The following NLRP4 variants were observed in gnomAD, a reference collection of about 807,000 sequenced individuals.
NLRP4 encodes the protein NACHT, LRR and PYD domains-containing protein 4.
NLRP4 carries 44 observed loss-of-function variants against 84.7 expected under a neutral mutation model. That is an observed-to-expected ratio of 0.52 (90% CI 0.41 to 0.67). NLRP4 has a LOEUF of 0.67. Ranked by LOEUF, NLRP4 falls within the 30% of genes least tolerant of loss-of-function variation. The pLI is 0.00. For missense variants in NLRP4, 1,260 were observed against 1,219.4 expected, an observed-to-expected ratio of 1.03 and a Z score of -0.50; for synonymous variants, 544 against 476.4, an observed-to-expected ratio of 1.14 and a Z score of -1.85.
chr19:55,847,299 C>T (rs1396461597), intron 1 of NLRP4, among the ~76,000 whole-genome samples: 1 of 152,194 alleles, frequency 6.6e-6, no homozygotes, highest in Non-Finnish European at 1.5e-5. Flanking sequence ...GATGACTTTG[C>T]TACTGTTGGC....
At chr19:55,850,932 T>A (rs376216622) in intron 1 of NLRP4, among the ~76,000 whole-genome samples, 1,090 of 37,036 alleles carry the variant, frequency 0.029, 1 homozygote, top group African/African-American at 0.05. Context: ...GTAATGTCCG[T>A]GGCTGCGGTG....
chr19:55,880,972 T>C lies in NLRP4; in HGVS notation c.2868-498T>C, dbSNP rs147355411. Among the ~76,000 whole-genome samples, 5 of 152,290 alleles carry C rather than the reference T, an allele frequency of 3.3e-5. No individual in the cohort carries two copies. In the East Asian group the frequency reaches 9.6e-4, roughly 29 times the overall value. On this transcript the variant is annotated intron_variant, in intron 9 of 9. Transcript: ENST00000301295. ...ATAATGGAAACTATTAACTTTATCT[T>C]TGAAAAAGTAAAAATAGCTTCAGTC...
In NLRP4 at chr19:55,859,003, G is replaced by A. The variant is rs766439608; in HGVS notation, c.1610G>A (p.Ser537Asn). The stretch of plus-strand genomic sequence containing the variant: ...CAGCAAATTCACCAGTGCCTGAAGA[G>A]CTTAGGGGAGCGTGGCAATCCTCAG... ...IKQQIHQCLK[S>N]LGERGNPQGQ... The change falls in exon 3 of 10, where the codon AGC becomes AAC. Residue 537 changes from serine to asparagine, a missense_variant. Physicochemically the swap from Ser to Asn is conservative, Grantham distance 46. Around this residue, in one of 3 missense-constraint regions of NLRP4, gnomAD observed 712 missense variants for 669.2 expected, o/e 1.06. Coordinates refer to ENST00000301295, the MANE Select transcript of NLRP4 (RefSeq NM_134444.5). The A allele has an allele frequency of 1.2e-6, 2 of 1,614,168 alleles. No individual in the cohort carries two copies. The highest frequency in any genetic ancestry group is 1.1e-5 in the South Asian group (1 of 91,082).
intron 1 of NLRP4, among the ~76,000 whole-genome samples, chr19:55,844,878 CGT>C (rs1193621123): frequency 1.3e-5 from 2 of 151,710 alleles, no homozygotes; most frequent in Non-Finnish European, 2.9e-5. Context: ...AGTGTGTGTG[CGT>C]GTGTGTATGC....
Position 55,861,368 on chromosome 19 carries a change from G to T in NLRP4, c.1857-18G>T. 1 of 1,609,158 alleles carries T rather than the reference G, an allele frequency of 6.2e-7. No individual in the cohort carries two copies. Among genetic ancestry groups the T allele is most frequent in the Non-Finnish European group, 8.5e-7 (1 of 1,176,454 alleles). ...TTGACCGCCTGCCTGTGGAAAGCTC[G>T]TCCTTTCTTGACCACAGGTCGGATT... On this transcript the variant is annotated intron_variant, in intron 3 of 9. Transcript: ENST00000301295.
At chr19:55,853,695 C>G (rs1276958405) in intron 2 of NLRP4, among the ~76,000 whole-genome samples, 1 of 152,156 alleles carries the variant, frequency 6.6e-6, no homozygotes, top group Non-Finnish European at 1.5e-5. Context: ...CAGGCCTGAG[C>G]CACCATACTG....
chr19:55,838,277 G>A (rs76151258), intron 1 of NLRP4, among the ~76,000 whole-genome samples: 13 of 151,798 alleles, frequency 8.6e-5, no homozygotes, highest in African/African-American at 2.9e-4. Context: ...ATTCCAGCCT[G>A]GGCAACAAGA....
In NLRP4 at chr19:55,858,134, G is replaced by T; in HGVS notation, c.741G>T (p.Leu247=). ...QGGLNEPDSD[L]CGDLMEKRPV... is the part of the protein sequence containing the mutation. ...GCTTGAACGAACCCGATTCGGATCT[G>T]TGTGGTGACTTGATGGAGAAACGGC... Residue 247 remains leucine (L), a synonymous_variant, in exon 3 of 10, where the codon CTG becomes CTT. Transcript: ENST00000301295. This position sits in a 1 kb window ranked among gnomAD's most constrained non-coding sequence, Gnocchi z 4.2. 1 of 1,614,186 alleles carries T rather than the reference G, an allele frequency of 6.2e-7. No homozygotes were observed. Among genetic ancestry groups the T allele is most frequent in the East Asian group, 2.2e-5 (1 of 44,884 alleles).
chr19:55,872,609 A>G (rs780359158), intron 7 of NLRP4, among the ~76,000 whole-genome samples: 8 of 152,362 alleles, frequency 5.3e-5, no homozygotes, highest in Non-Finnish European at 1.2e-4. Flanking sequence ...ACATAATTAA[A>G]GAAAAAATTA....
In NLRP4 at chr19:55,857,357, G is replaced by GTGTC. The variant is rs1491411569; in HGVS notation, c.281-316_281-315insGTCT. The GTGTC allele has an allele frequency of 4.1e-3, 1,687 of 407,206 alleles. 11 individuals are homozygous for GTGTC. Among genetic ancestry groups the GTGTC allele is most frequent in the Non-Finnish European group, 5.7e-3 (1,334 of 232,068 alleles). The allele number at this position is 407,206 out of a possible 1,614,324, so 25.2% of individuals were successfully genotyped here. ...TGTGTGTGTGTGTGTGTGTGTGTGT[G>GTGTC]TCTATTGAAAGCAGAAGTTGTCAAC... On this transcript the variant is annotated intron_variant, in intron 2 of 9. Transcript: ENST00000301295.
In NLRP4 at chr19:55,866,511, C is replaced by T. The variant is rs1054704907; in HGVS notation, c.2187-1198C>T. Among the ~76,000 whole-genome samples the T allele has an allele frequency of 5.3e-5, 8 of 152,146 alleles. 1 individual carries two copies. Among genetic ancestry groups the T allele is most frequent in the African/African-American group, 9.7e-5 (4 of 41,448 alleles). ...TTGTCTCTGAGCTTATTTTTTGTGG[C>T]AACCAGAGGTAAGGAGAGTGGTTGA... On this transcript the variant is annotated intron_variant, in intron 5 of 9. Coordinates refer to ENST00000301295, the MANE Select transcript of NLRP4 (RefSeq NM_134444.5).
Position 55,881,527 on chromosome 19 carries a change from G to C in NLRP4, c.2925G>C (p.Glu975Asp). The C allele has an allele frequency of 6.2e-7, 1 of 1,611,532 alleles. No individual in the cohort carries two copies. The highest frequency in any genetic ancestry group is 8.5e-7 in the Non-Finnish European group (1 of 1,177,662). Residue 975 changes from glutamate (E) to aspartate (D), a missense_variant, in exon 10 of 10, where the codon GAG (glutamate) becomes GAC (aspartate). Physicochemically the swap from Glu to Asp is conservative, Grantham distance 45 (BLOSUM62 2). This residue lies in a region of NLRP4 where 544 missense variants were observed against 531.7 expected (regional missense o/e 1.02). Transcript: ENST00000301295. Reference sequence around the variant, plus strand: ...AGGCACTTCTGACGGCTGAGGAAGAGAGAAATCCTAACCTGACCATCACAG... The same window carrying C: ...AGGCACTTCTGACGGCTGAGGAAGACAGAAATCCTAACCTGACCATCACAG... ...ETQALLTAEE[E>D]RNPNLTITDD...
chr19:55,843,583 T>C (rs963018804), intron 1 of NLRP4, among the ~76,000 whole-genome samples: 12 of 152,138 alleles, frequency 7.9e-5, no homozygotes, highest in Non-Finnish European at 1.2e-4. Flanking sequence ...TCCCAGCTGC[T>C]CAGGAGGCTG....
chr19:55,845,530 G>C (rs1253344657), intron 1 of NLRP4, among the ~76,000 whole-genome samples: 1 of 151,874 alleles, frequency 6.6e-6, no homozygotes, highest in Non-Finnish European at 1.5e-5. Context: ...ATAATCCTTT[G>C]GGTATATACC....
At chr19:55,842,548 G>C (rs369480959) in intron 1 of NLRP4, among the ~76,000 whole-genome samples, 1 of 150,564 alleles carries the variant, frequency 6.6e-6, no homozygotes, top group Non-Finnish European at 1.5e-5. Flanking sequence ...TTAGATTTAC[G>C]TGCCAGCTGT....
At chr19:55,840,853 A>G (rs1286093537) in intron 1 of NLRP4, among the ~76,000 whole-genome samples, 1 of 152,198 alleles carries the variant, frequency 6.6e-6, no homozygotes, top group Non-Finnish European at 1.5e-5. Context: ...TATTATGACA[A>G]CAGATTTTTT....
chr19:55,837,244 A>G (rs1418664869), intron 1 of NLRP4, among the ~76,000 whole-genome samples: 1 of 152,114 alleles, frequency 6.6e-6, no homozygotes, highest in African/African-American at 2.4e-5. Flanking sequence ...GGTCAGGAAA[A>G]GATAGCTATG....
At chr19:55,854,563 G>T (rs1395516102) in intron 2 of NLRP4, among the ~76,000 whole-genome samples, 2 of 152,166 alleles carry the variant, frequency 1.3e-5, no homozygotes, top group Non-Finnish European at 2.9e-5. Flanking sequence ...AATTGGAATT[G>T]ATTCTGGTAG....
At chr19:55,850,274 G>A (rs375194328) in intron 1 of NLRP4, among the ~76,000 whole-genome samples, 3 of 110,050 alleles carry the variant, frequency 2.7e-5, no homozygotes, top group South Asian at 3.1e-4. Flanking sequence ...AATTTCCGAG[G>A]CTGCGGTGTA....
Sources: allele counts gnomAD v4.1 joint callset (sites outside exome capture counted in the v4.1 genomes callset), GRCh38; gene constraint gnomAD v4.1.1; regional missense constraint gnomAD v4.1.1; non-coding constraint Gnocchi (gnomAD v3.1); transcripts MANE v1.5; gene names NCBI Gene and HGNC (gene_info 2026-07-23, HGNC 2026-07-21).